GRM7: variants seen among roughly 807,000 people sequenced by gnomAD.
GRM7 encodes the protein metabotropic glutamate receptor 7.
In GRM7, 35 loss-of-function variants were observed where a neutral mutation model predicts 84.5. The observed-to-expected ratio is 0.41, with a 90% confidence interval of 0.32 to 0.55. The LOEUF (loss-of-function observed/expected upper bound fraction) is 0.55, where lower values mean the gene tolerates loss of function less well. Ranked by LOEUF, GRM7 falls within the 20% of genes least tolerant of loss-of-function variation. GRM7 has a pLI of 0.19. For missense variants in GRM7, 1,003 were observed against 1,194.6 expected (o/e 0.84, Z 2.36); for synonymous variants, 487 against 455.1 (o/e 1.07, Z -0.89).
At chr3:7,661,794 CA>C (rs71043686) in intron 8 of GRM7, among the ~76,000 whole-genome samples, 461 of 28,172 alleles carry the variant, frequency 0.016, 3 homozygotes, top group East Asian at 0.055. Flanking sequence ...GTCTCCGTCT[CA>C]AAAAAAAAAA....
At chr3:7,301,130 G>T (rs1056881443) in intron 3 of GRM7, among the ~76,000 whole-genome samples, 4 of 151,192 alleles carry the variant, frequency 2.6e-5, no homozygotes, top group Non-Finnish European at 1.5e-5. Flanking sequence ...GATTTGTTCT[G>T]ATTACTTCTC....
chr3:7,138,504 T>C (rs1693841941), intron 1 of GRM7, among the ~76,000 whole-genome samples: 1 of 151,916 alleles, frequency 6.6e-6, no homozygotes, highest in African/African-American at 2.4e-5. Context: ...AGAAGGTTCT[T>C]TGTACTTTAT....
intron 2 of GRM7, among the ~76,000 whole-genome samples, chr3:7,176,228 GTAAAAAAAAAAAAA>G (rs1355486700): frequency 1.0e-3 from 14 of 13,996 alleles, no homozygotes; most frequent in African/African-American, 4.5e-3. Context: ...TCTATAAAAA[GTAAAAAAAAAAAAA>G]AAAAAAAAAA....
At chr3:6,990,594 A>AT (rs1694598227) in intron 1 of GRM7, among the ~76,000 whole-genome samples, 2 of 152,098 alleles carry the variant, frequency 1.3e-5, no homozygotes, top group African/African-American at 4.8e-5. Context: ...CTGACTGTGA[A>AT]TTTTTAACAA....
chr3:7,447,927 A>G (rs6778294), intron 5 of GRM7, among the ~76,000 whole-genome samples: 42,487 of 115,848 alleles, frequency 0.37, 8,453 homozygotes, highest in Non-Finnish European at 0.47. Context: ...AGTCCCCGGA[A>G]TGTGATGTTC....
At chr3:7,337,633 G>T (rs1057383753) in intron 4 of GRM7, among the ~76,000 whole-genome samples, 1 of 151,714 alleles carries the variant, frequency 6.6e-6, no homozygotes, top group Admixed American at 6.6e-5. Flanking sequence ...TACACAAATG[G>T]CCAATAAACA....
At chr3:7,655,954 A>G (rs189026549) in intron 8 of GRM7, among the ~76,000 whole-genome samples, 63 of 152,348 alleles carry the variant, frequency 4.1e-4, no homozygotes, top group Admixed American at 3.4e-3. Context: ...ATGTGATCAT[A>G]TTCACATAAT....
chr3:7,075,253 C>T (rs1698022197), intron 1 of GRM7, among the ~76,000 whole-genome samples: 3 of 152,132 alleles, frequency 2.0e-5, no homozygotes, highest in Non-Finnish European at 2.9e-5. Flanking sequence ...AAGTAAAGAC[C>T]TTGGTGCTGA....
intron 8 of GRM7, among the ~76,000 whole-genome samples, chr3:7,591,861 C>T (rs1695796840): frequency 6.6e-6 from 1 of 151,988 alleles, no homozygotes; most frequent in Non-Finnish European, 1.5e-5. Flanking sequence ...TTCTAAGGTC[C>T]CAGAGCCAGA....
intron 2 of GRM7, among the ~76,000 whole-genome samples, chr3:7,169,773 G>C (rs190569819): frequency 9.9e-5 from 15 of 152,096 alleles, no homozygotes; most frequent in African/African-American, 1.4e-4. Context: ...AAATAGAGAC[G>C]TACTTTTGCC....
intron 2 of GRM7, among the ~76,000 whole-genome samples, chr3:7,234,093 AC>A (rs1343594840): frequency 1.3e-5 from 2 of 152,176 alleles, no homozygotes; most frequent in African/African-American, 4.8e-5. Context: ...CTTTATAATA[AC>A]CAAAAAAGGA....
At chr3:7,659,437 G>A (rs1019890276) in intron 8 of GRM7, among the ~76,000 whole-genome samples, 18 of 151,292 alleles carry the variant, frequency 1.2e-4, no homozygotes, top group Admixed American at 5.3e-4. Context: ...TTTTAACTTC[G>A]GTAATGGTCA....
At chr3:7,347,705 C>G (rs1048532682) in intron 4 of GRM7, among the ~76,000 whole-genome samples, 2 of 152,110 alleles carry the variant, frequency 1.3e-5, no homozygotes, top group Non-Finnish European at 2.9e-5. Context: ...AATGCAAAAA[C>G]TTTATCGTCT....
chr3:7,140,126 G>A (rs114523298), intron 1 of GRM7, among the ~76,000 whole-genome samples: 2,231 of 151,962 alleles, frequency 0.015, 26 homozygotes, highest in African/African-American at 0.04. Context: ...TGTTATGGTG[G>A]CTATAATCAA....
At chr3:7,190,908 C>A (rs1199379661) in intron 2 of GRM7, among the ~76,000 whole-genome samples, 3 of 152,148 alleles carry the variant, frequency 2.0e-5, no homozygotes, top group African/African-American at 7.2e-5. Context: ...GCATCTAAAA[C>A]CATTTCCCAC....
intron 4 of GRM7, among the ~76,000 whole-genome samples, chr3:7,342,066 C>T (rs1159291420): frequency 6.6e-6 from 1 of 152,108 alleles, no homozygotes; most frequent in Non-Finnish European, 1.5e-5. Context: ...ACACAGCATT[C>T]CATTCATGTG....
At position 7,188,600 on chromosome 3, in the gene GRM7, A is replaced by G. The variant is rs566240696; in HGVS notation, c.736+41932A>G. On this transcript the variant is annotated intron_variant, in intron 2 of 9. Coordinates refer to ENST00000357716, the MANE Select transcript of GRM7 (RefSeq NM_000844.4). The surrounding 1 kb of genome is among the most constrained non-coding windows in gnomAD (Gnocchi z 4.2). ...AAGATGTAAGGAATAATGAGAAAAG[A>G]TATTGGAATAAAGGATCTACTTGAG... Among the ~76,000 whole-genome samples, 19 of 152,316 alleles carry G rather than the reference A, an allele frequency of 1.2e-4. No homozygotes were observed. The highest frequency in any genetic ancestry group is 3.9e-4 in the Admixed American group (6 of 15,300).
At chr3:6,886,847 A>C (rs980886966) in intron 1 of GRM7, among the ~76,000 whole-genome samples, 1 of 151,874 alleles carries the variant, frequency 6.6e-6, no homozygotes, top group African/African-American at 2.4e-5. Flanking sequence ...TTGTATATAT[A>C]ATTCATTTAA....
intron 7 of GRM7, among the ~76,000 whole-genome samples, chr3:7,569,994 G>A (rs1004529690): frequency 2.0e-5 from 3 of 152,190 alleles, no homozygotes; most frequent in African/African-American, 2.4e-5. Context: ...CAAAGAGAGA[G>A]CTTGTGCAGG....
Sources: allele counts gnomAD v4.1 joint callset (sites outside exome capture counted in the v4.1 genomes callset), GRCh38; gene constraint gnomAD v4.1.1; non-coding constraint Gnocchi (gnomAD v3.1); transcripts MANE v1.5; gene names NCBI Gene and HGNC (gene_info 2026-07-23, HGNC 2026-07-21).